GRM1: variants seen among roughly 807,000 people sequenced by gnomAD.
GRM1 encodes glutamate metabotropic receptor 1.
In GRM1, 33 loss-of-function variants were observed where a neutral mutation model predicts 90.9. That is an observed-to-expected ratio of 0.36 (90% CI 0.28 to 0.49). The LOEUF is 0.49. GRM1 is among the 20% of genes least tolerant of loss of function. The pLI is 0.99. For missense variants in GRM1, 1,190 were observed against 1,534.3 expected (o/e 0.78, Z 3.75); for synonymous variants, 700 against 613.2 (o/e 1.14, Z -2.09).
At chr6:146,265,199 A>AT (rs1373378047) in intron 2 of GRM1, among the ~76,000 whole-genome samples, 4 of 152,180 alleles carry the variant, frequency 2.6e-5, no homozygotes, top group African/African-American at 9.6e-5. Context: ...ACATCTGTAG[A>AT]TTTTTTACCT....
chr6:146,348,605 A>G (rs1039524251), intron 3 of GRM1, among the ~76,000 whole-genome samples: 1 of 152,224 alleles, frequency 6.6e-6, no homozygotes, highest in African/African-American at 2.4e-5. Flanking sequence ...GGTGTGAGCT[A>G]TTACATTGCA....
chr6:146,232,550 A>C (rs1026658438), intron 2 of GRM1, among the ~76,000 whole-genome samples: 1 of 151,994 alleles, frequency 6.6e-6, no homozygotes. Flanking sequence ...ATGCTCTTTT[A>C]GTTATTTTTA....
intron 2 of GRM1, among the ~76,000 whole-genome samples, chr6:146,178,687 A>G (rs1778425544): frequency 6.6e-6 from 1 of 152,190 alleles, no homozygotes; most frequent in Non-Finnish European, 1.5e-5. Context: ...TTCTATCAAC[A>G]TGACTTATCC....
chr6:146,093,699 T>C (rs1776782719), intron 1 of GRM1, among the ~76,000 whole-genome samples: 1 of 152,084 alleles, frequency 6.6e-6, no homozygotes, highest in African/African-American at 2.4e-5. Flanking sequence ...GAAAGTGAGT[T>C]TTCTCCAGCT....
chr6:146,274,324 ATT>A (rs1313831704), intron 2 of GRM1, among the ~76,000 whole-genome samples: 1 of 152,180 alleles, frequency 6.6e-6, no homozygotes. Flanking sequence ...TATTTTCCAG[ATT>A]TGTGAACTAT....
chr6:146,211,908 G>A (rs1779699640), intron 2 of GRM1, among the ~76,000 whole-genome samples: 1 of 152,122 alleles, frequency 6.6e-6, no homozygotes, highest in Admixed American at 6.6e-5. Flanking sequence ...ATTAGGAGAG[G>A]TACATATTAA....
At chr6:146,317,297 A>G (rs778629245) in intron 3 of GRM1, among the ~76,000 whole-genome samples, 5 of 152,200 alleles carry the variant, frequency 3.3e-5, no homozygotes, top group Non-Finnish European at 7.3e-5. Flanking sequence ...ATCTTTGCAC[A>G]TTTAATTTTT....
At chr6:146,093,172 G>T (rs1452725935) in intron 1 of GRM1, among the ~76,000 whole-genome samples, 1 of 152,110 alleles carries the variant, frequency 6.6e-6, no homozygotes, top group Non-Finnish European at 1.5e-5. Context: ...AAAAGAAACA[G>T]ATTTAGCTGG....
intron 1 of GRM1, 107 bp from the exon 2 acceptor site, chr6:146,159,241 G>T: frequency 7.6e-7 from 1 of 1,315,892 alleles, no homozygotes; most frequent in Non-Finnish European, 1.1e-6. Context: ...CAAATTATTT[G>T]GCAAGTCCGT....
At chr6:146,158,816 C>T (rs145433084) in intron 1 of GRM1, among the ~76,000 whole-genome samples, 1 of 152,314 alleles carries the variant, frequency 6.6e-6, no homozygotes, top group African/African-American at 2.4e-5. Flanking sequence ...TGGATTTTGA[C>T]AAAGCCCTAT....
intron 1 of GRM1, among the ~76,000 whole-genome samples, chr6:146,042,659 A>T (rs1791158165): frequency 6.6e-6 from 1 of 152,024 alleles, no homozygotes; most frequent in African/African-American, 2.4e-5. Flanking sequence ...AACAGGTCAA[A>T]TACAAATAGA....
intron 2 of GRM1, among the ~76,000 whole-genome samples, chr6:146,162,490 G>A (rs1777764034): frequency 6.6e-6 from 1 of 152,110 alleles, no homozygotes; most frequent in African/African-American, 2.4e-5. Flanking sequence ...TCCAAGCCAC[G>A]ATCATTTTCC....
chr6:146,206,923 A>AT (rs1289438312), intron 2 of GRM1, among the ~76,000 whole-genome samples: 2 of 152,112 alleles, frequency 1.3e-5, no homozygotes, highest in Non-Finnish European at 1.5e-5. Context: ...CTGTTCCTGC[A>AT]TTAATTTGCT....
Position 146,314,459 on chromosome 6 carries a change from T to A in GRM1, c.1186+9613T>A, listed in dbSNP as rs535990007. 4.5e-4 allele frequency among the ~76,000 whole-genome samples: 68 copies of A among 152,330 alleles called. 1 individual carries two copies. Among genetic ancestry groups the A allele is most frequent in the Admixed American group, 3.4e-3 (52 of 15,304 alleles). On this transcript the variant is annotated intron_variant, in intron 3 of 7. Transcript: ENST00000282753. ...TTGAGTTGTTTCCAGGTTTTGGTTA[T>A]TTCAAATAAAGCTGCTATGAATATC... is the stretch of plus-strand genomic sequence containing the variant.
At chr6:146,230,156 TGTTTTC>T (rs1780397886) in intron 2 of GRM1, among the ~76,000 whole-genome samples, 1 of 152,216 alleles carries the variant, frequency 6.6e-6, no homozygotes, top group Non-Finnish European at 1.5e-5. Context: ...TTGCATACAT[TGTTTTC>T]TACTAAGCTG....
intron 1 of GRM1, among the ~76,000 whole-genome samples, chr6:146,094,982 T>G (rs1776830628): frequency 6.6e-6 from 1 of 152,130 alleles, no homozygotes; most frequent in African/African-American, 2.4e-5. Flanking sequence ...TTCATAGAGT[T>G]GTATATTATT....
chr6:146,183,428 G>A (rs1381487187), intron 2 of GRM1, among the ~76,000 whole-genome samples: 4 of 152,036 alleles, frequency 2.6e-5, no homozygotes. Flanking sequence ...GTCATTTTCT[G>A]TTCCACTTCC....
chr6:146,037,669 C>T (rs1790939940), intron 1 of GRM1, among the ~76,000 whole-genome samples: 1 of 151,946 alleles, frequency 6.6e-6, no homozygotes, highest in Non-Finnish European at 1.5e-5. Flanking sequence ...TTTTGGATGA[C>T]TCCAACATTC....
At chr6:146,431,670 G>T (rs776161500) in intron 7 of GRM1, among the ~76,000 whole-genome samples, 8 of 152,092 alleles carry the variant, frequency 5.3e-5, no homozygotes, top group Non-Finnish European at 1.2e-4. Context: ...TTTTCCTGGT[G>T]AACATTAAAA....
Sources: allele counts gnomAD v4.1 joint callset (sites outside exome capture counted in the v4.1 genomes callset), GRCh38; gene constraint gnomAD v4.1.1; transcripts MANE v1.5; gene names NCBI Gene and HGNC (gene_info 2026-07-23, HGNC 2026-07-21).